The following PSD3 variants were observed in gnomAD, a reference collection of about 807,000 sequenced individuals.
PSD3 encodes the protein pleckstrin and Sec7 domain containing 3, also known as PH and SEC7 domain-containing protein 3.
In PSD3, 49 loss-of-function variants were observed where a neutral mutation model predicts 105.5. That is an observed-to-expected ratio of 0.46 (90% CI 0.37 to 0.59). The LOEUF (loss-of-function observed/expected upper bound fraction) is 0.59, where lower values mean the gene tolerates loss of function less well. Among genes scored for constraint, PSD3 ranks in the 20% least tolerant of loss-of-function variants. The pLI, the probability that PSD3 is intolerant of heterozygous loss-of-function variation, is 0.00. For synonymous variants in PSD3, 557 were observed against 457.8 expected (o/e 1.22, Z -2.77); for missense variants, 1,561 against 1,263.8 (o/e 1.24, Z -3.57).
At chr8:18,892,240 T>C (rs957456950) in intron 2 of PSD3, among the ~76,000 whole-genome samples, 4 of 151,990 alleles carry the variant, frequency 2.6e-5, no homozygotes, top group African/African-American at 9.7e-5. Flanking sequence ...TTTTTTTTTT[T>C]TGAGACAGAG....
chr8:18,678,935 A>C (rs1436385816), intron 9 of PSD3, among the ~76,000 whole-genome samples: 1 of 152,248 alleles, frequency 6.6e-6, no homozygotes, highest in African/African-American at 2.4e-5. Flanking sequence ...TATATGCTTA[A>C]GTTTTTCTTT....
intron 1 of PSD3, among the ~76,000 whole-genome samples, chr8:18,990,554 T>C (rs1825736007): frequency 6.6e-6 from 1 of 152,206 alleles, no homozygotes; most frequent in African/African-American, 2.4e-5. Flanking sequence ...ACACCTTTTT[T>C]CTTCTTGAAG....
chr8:18,682,539 A>T (rs577221481), intron 9 of PSD3, among the ~76,000 whole-genome samples: 1 of 152,314 alleles, frequency 6.6e-6, no homozygotes, highest in African/African-American at 2.4e-5. Flanking sequence ...CTCTAAAGAT[A>T]AAGCTTTTTA....
chr8:18,886,909 C>A (rs909634115), intron 2 of PSD3: 1 of 152,222 alleles, frequency 6.6e-6, no homozygotes, highest in Non-Finnish European at 1.5e-5. Flanking sequence ...CTGTCTGCCT[C>A]TGCCGCTCTC....
At chr8:18,977,871 G>T (rs748988051) in intron 1 of PSD3, among the ~76,000 whole-genome samples, 1 of 152,088 alleles carries the variant, frequency 6.6e-6, no homozygotes, top group Non-Finnish European at 1.5e-5. Context: ...GATTTTAACT[G>T]TCGTAATTTA....
chr8:19,021,832 A>T (rs1331761642), intron 1 of PSD3, among the ~76,000 whole-genome samples: 1 of 152,234 alleles, frequency 6.6e-6, no homozygotes, highest in Admixed American at 6.5e-5. Flanking sequence ...ACTTAGCATT[A>T]AATCTTCTCC....
chr8:18,731,312 A>G (rs767348732), intron 9 of PSD3, among the ~76,000 whole-genome samples: 1 of 152,218 alleles, frequency 6.6e-6, no homozygotes, highest in Non-Finnish European at 1.5e-5. Context: ...TATTCTGACT[A>G]TGGACTAATG....
At chr8:19,037,561 G>T (rs983473304) in intron 1 of PSD3, among the ~76,000 whole-genome samples, 3 of 152,218 alleles carry the variant, frequency 2.0e-5, no homozygotes, top group African/African-American at 7.2e-5. Context: ...CAAATTGGTA[G>T]ACTGAGTACA....
chr8:19,031,108 T>C (rs976874699), intron 1 of PSD3, among the ~76,000 whole-genome samples: 2 of 152,196 alleles, frequency 1.3e-5, no homozygotes, highest in African/African-American at 4.8e-5. Context: ...GCCTAGCACC[T>C]ACAATCTGCA....
At chr8:18,998,171 C>T (rs938453577) in intron 1 of PSD3, among the ~76,000 whole-genome samples, 4 of 151,892 alleles carry the variant, frequency 2.6e-5, no homozygotes, top group Non-Finnish European at 5.9e-5. Flanking sequence ...GCCCTGTAGC[C>T]TTTTAAAAGA....
In PSD3 at chr8:19,001,686, G is replaced by A. The variant is rs568678063; in HGVS notation, c.21+11877C>T. The A allele has an allele frequency of 6.2e-4, 94 of 152,456 alleles. 2 individuals are homozygous for A. The highest frequency in any genetic ancestry group is 3.4e-3 in the Middle Eastern group (1 of 298). 9.4% of individuals were successfully genotyped at this position (152,456 alleles called of 1,614,324 possible). A position where few individuals can be genotyped will look rare whatever the true frequency, so the allele number is the denominator to read the frequency against. On this transcript the variant is annotated intron_variant, in intron 1 of 15. Transcript: ENST00000327040. ...TGGAAAAATCTTTGATTCCTCCAGT[G>A]TCTTGGATCTCAAGGAAAGCTCCAG...
chr8:18,914,953 C>T (rs546858988), intron 2 of PSD3, among the ~76,000 whole-genome samples: 66 of 152,248 alleles, frequency 4.3e-4, no homozygotes, highest in African/African-American at 1.5e-3. Flanking sequence ...GCAAAATGTA[C>T]TACGAAACTA....
At chr8:18,607,283 G>A (rs1804906953) in intron 11 of PSD3, among the ~76,000 whole-genome samples, 4 of 152,158 alleles carry the variant, frequency 2.6e-5, no homozygotes, top group Non-Finnish European at 5.9e-5. Flanking sequence ...CATTTCTGCA[G>A]AATAGTTATC....
At chr8:18,579,612 CT>C (rs1025307293) in intron 12 of PSD3, among the ~76,000 whole-genome samples, 1 of 152,024 alleles carries the variant, frequency 6.6e-6, no homozygotes, top group African/African-American at 2.4e-5. Flanking sequence ...AAATAAAAAG[CT>C]TTTTTTCCCT....
intron 10 of PSD3, among the ~76,000 whole-genome samples, chr8:18,649,717 G>A (rs1425030678): frequency 6.6e-6 from 1 of 152,248 alleles, no homozygotes; most frequent in Non-Finnish European, 1.5e-5. Flanking sequence ...AATCCCCACT[G>A]TTGGAGGTGG....
intron 4 of PSD3, among the ~76,000 whole-genome samples, chr8:18,837,751 C>G (rs1479564713): frequency 6.6e-6 from 1 of 151,942 alleles, no homozygotes. Context: ...CCAGCCTGGG[C>G]AAGATGACAA....
At chr8:19,031,104 C>T (rs965483776) in intron 1 of PSD3, among the ~76,000 whole-genome samples, 1 of 152,186 alleles carries the variant, frequency 6.6e-6, no homozygotes, top group East Asian at 1.9e-4. Flanking sequence ...TCATGCCTAG[C>T]ACCTACAATC....
At chr8:19,072,326 A>G (rs1829298927) in intron 1 of PSD3, among the ~76,000 whole-genome samples, 1 of 151,666 alleles carries the variant, frequency 6.6e-6, no homozygotes, top group Non-Finnish European at 1.5e-5. Flanking sequence ...AGCTCACGTG[A>G]TCCGCCCACC....
intron 1 of PSD3, among the ~76,000 whole-genome samples, chr8:18,947,854 G>A (rs1822966460): frequency 6.6e-6 from 1 of 152,208 alleles, no homozygotes; most frequent in Middle Eastern, 3.4e-3. Flanking sequence ...ATAGAAAGCT[G>A]GGAGCTAGAA....
Sources: gnomAD v4.1 joint callset for allele counts (sites outside exome capture counted in the v4.1 genomes callset) on GRCh38, gnomAD v4.1.1 for gene constraint, MANE v1.5 for transcripts, NCBI Gene and HGNC (gene_info 2026-07-23, HGNC 2026-07-21) for gene names.